The following RBBP5 variants were observed in gnomAD, a reference collection of about 807,000 sequenced individuals.
The protein encoded by RBBP5 is RB binding protein 5, histone lysine methyltransferase complex subunit, also known as retinoblastoma-binding protein 5.
In RBBP5, 5 loss-of-function variants were observed where a neutral mutation model predicts 72.2. The observed-to-expected ratio is 0.07, with a 90% CI of 0.04 to 0.15. RBBP5 has a LOEUF of 0.15. Ranked by LOEUF, RBBP5 falls within the 10% of genes least tolerant of loss-of-function variation. RBBP5 has a pLI of 1.00. For missense variants in RBBP5, 322 were observed against 652.2 expected, an observed-to-expected ratio of 0.49 and a Z score of 5.51; for synonymous variants, 209 against 237.2, an observed-to-expected ratio of 0.88 and a Z score of 1.09.
chr1:205,088,726 C>T lies in RBBP5; in HGVS notation c.*61G>A. 6.6e-7 allele frequency: 1 copy of T among 1,506,540 alleles called. No individual in the cohort carries two copies. Among genetic ancestry groups the T allele is most frequent in the Non-Finnish European group, 9.1e-7 (1 of 1,095,698 alleles). 93.3% of individuals were successfully genotyped at this position (1,506,540 alleles called of 1,614,324 possible). A position where few individuals can be genotyped will look rare whatever the true frequency, so the allele number is the denominator to read the frequency against. The stretch of plus-strand genomic sequence containing the variant: ...TTAAAGTCAATTTTCAAATGACTGA[C>T]CACAGTGTCCAGAGGCCACATGATG... On this transcript the variant is annotated 3_prime_UTR_variant, in exon 14 of 14. Transcript: ENST00000264515.
intron 13 of RBBP5, among the ~76,000 whole-genome samples, chr1:205,089,212 G>A (rs958513474): frequency 1.4e-4 from 21 of 152,168 alleles, no homozygotes; most frequent in African/African-American, 5.1e-4. Flanking sequence ...TTTAAAGATT[G>A]ATTAGTCACT....
In RBBP5 at chr1:205,088,760, A is replaced by G; in HGVS notation, c.*27T>C. ...CCAGAGGCCACATGATGGCAAAGTGAGAAAGAATGAAGAACTTCGAAGGTC... is the reference window on the plus strand; with the variant it reads ...CCAGAGGCCACATGATGGCAAAGTGGGAAAGAATGAAGAACTTCGAAGGTC... On this transcript the variant is annotated 3_prime_UTR_variant, in exon 14 of 14. Transcript: ENST00000264515. The G allele has an allele frequency of 6.3e-7, 1 of 1,580,792 alleles. No homozygotes were observed. The highest frequency in any genetic ancestry group is 8.6e-7 in the Non-Finnish European group (1 of 1,156,330).
Position 205,099,871 on chromosome 1 carries a change from G to C in RBBP5, c.906+40C>G. On this transcript the variant is annotated intron_variant, in intron 8 of 13. Coordinates refer to ENST00000264515, the MANE Select transcript of RBBP5 (RefSeq NM_005057.4). This position sits in a 1 kb window ranked among gnomAD's most constrained non-coding sequence, Gnocchi z 4.7. The stretch of plus-strand genomic sequence containing the variant: ...TTAAGAACAGATTTTAGATTTTTTG[G>C]ATTATGTGACTAACAAAAGCAATGT... 1.2e-6 allele frequency: 2 copies of C among 1,613,416 alleles called. No individual in the cohort carries two copies. The highest frequency in any genetic ancestry group is 1.7e-6 in the Non-Finnish European group (2 of 1,179,578).
rs1655649470 is a variant in RBBP5 at position 205,097,140 on chromosome 1, G to C, written c.1166+186C>G. ...TGGTTCCTTAAAATTCTCTATCAGGGAGAAGTGAAAGGAACATAGGACTAG... is the reference window on the plus strand; with the variant it reads ...TGGTTCCTTAAAATTCTCTATCAGGCAGAAGTGAAAGGAACATAGGACTAG... On this transcript the variant is annotated intron_variant, in intron 11 of 13. Coordinates refer to ENST00000264515, the MANE Select transcript of RBBP5 (RefSeq NM_005057.4). Among the ~76,000 whole-genome samples, 2 of 152,332 alleles carry C rather than the reference G, an allele frequency of 1.3e-5. 1 individual carries two copies. The highest frequency in any genetic ancestry group is 4.1e-4 in the South Asian group (2 of 4,828).
chr1:205,099,875 A>C lies in RBBP5; in HGVS notation c.906+36T>G, dbSNP rs201878389. The C allele has an allele frequency of 1.0e-4, 166 of 1,613,594 alleles. No homozygotes were observed. Among genetic ancestry groups the C allele is most frequent in the Non-Finnish European group, 1.8e-5 (21 of 1,179,684 alleles). On this transcript the variant is annotated intron_variant, in intron 8 of 13. Coordinates refer to ENST00000264515, the MANE Select transcript of RBBP5 (RefSeq NM_005057.4). The surrounding 1 kb of genome is among the most constrained non-coding windows in gnomAD (Gnocchi z 4.7). ...GAACAGATTTTAGATTTTTTGGATT[A>C]TGTGACTAACAAAAGCAATGTCCTA...
At chr1:205,112,854 G>C (rs1406614697) in intron 3 of RBBP5, among the ~76,000 whole-genome samples, 2 of 152,180 alleles carry the variant, frequency 1.3e-5, no homozygotes, top group Non-Finnish European at 2.9e-5. Context: ...CAGACATGGT[G>C]GCTCACACCT....
At position 205,099,646 on chromosome 1, in the gene RBBP5, A is replaced by T. The variant is rs1655746420; in HGVS notation, c.978+95T>A. On this transcript the variant is annotated intron_variant, in intron 9 of 13. Transcript: ENST00000264515. This position sits in a 1 kb window ranked among gnomAD's most constrained non-coding sequence, Gnocchi z 4.7. ...AGGTTGCGAGAATCATATGCAAAAG[A>T]AAATAAAAATGTAATTTTTAGCTTC... 1 of 1,302,920 alleles carries T rather than the reference A, an allele frequency of 7.7e-7. No homozygotes were observed. The highest frequency in any genetic ancestry group is 1.1e-6 in the Non-Finnish European group (1 of 933,348). The allele number at this position is 1,302,920 out of a possible 1,614,324, so 80.7% of individuals were successfully genotyped here.
intron 2 of RBBP5, among the ~76,000 whole-genome samples, chr1:205,115,372 C>T (rs1198096572): frequency 2.0e-5 from 3 of 151,656 alleles, no homozygotes; most frequent in Admixed American, 1.3e-4. Flanking sequence ...AAAAGAAAAA[C>T]CCTGGAATAG....
rs1395865945 is a variant in RBBP5 at position 205,114,797 on chromosome 1, A to G, written c.210T>C (p.Cys70=). ...ATTAAAAAATGTCTTACCATAAAGA[A>G]CACACTGGATGGATGTGTGCACTAA... The part of the protein sequence containing the change: ...KIISAHIHPV[C]SLCWSRDGHK... The change falls in exon 3 of 14, where the codon TGT becomes TGC. Residue 70 remains cysteine, a synonymous_variant. Transcript: ENST00000264515. 2 of 1,537,376 alleles carry G rather than the reference A, an allele frequency of 1.3e-6. No individual in the cohort carries two copies. Among genetic ancestry groups the G allele is most frequent in the Non-Finnish European group, 1.8e-6 (2 of 1,140,960 alleles).
At chr1:205,120,746 C>G (rs1364027843) in intron 1 of RBBP5, among the ~76,000 whole-genome samples, 1 of 151,720 alleles carries the variant, frequency 6.6e-6, no homozygotes, top group African/African-American at 2.4e-5. Context: ...TGTGCCACTG[C>G]ACTCCAGCCT....
chr1:205,093,864 C>A (rs1476771589), intron 13 of RBBP5, among the ~76,000 whole-genome samples: 1 of 152,060 alleles, frequency 6.6e-6, no homozygotes, highest in Non-Finnish European at 1.5e-5. Context: ...CTAGTCCACA[C>A]ATTTAGATTA....
At chr1:205,102,058 G>A (rs935854922) in intron 5 of RBBP5, among the ~76,000 whole-genome samples, 3 of 152,016 alleles carry the variant, frequency 2.0e-5, no homozygotes, top group Non-Finnish European at 2.9e-5. Context: ...CACGACGCCT[G>A]GCTAATTTTG....
intron 3 of RBBP5, among the ~76,000 whole-genome samples, chr1:205,113,834 G>A (rs1228773884): frequency 1.3e-5 from 2 of 151,956 alleles, no homozygotes; most frequent in East Asian, 1.9e-4. Context: ...ACAGGCACCC[G>A]CCAACATGCC....
At chr1:205,093,499 T>A (rs1558570334) in intron 13 of RBBP5, among the ~76,000 whole-genome samples, 206 of 2,798 alleles carry the variant, frequency 0.074, 71 homozygotes, top group South Asian at 0.17. Context: ...TATATATATA[T>A]ATATATATAT....
intron 4 of RBBP5, 144 bp downstream of exon 4, chr1:205,104,884 C>T (rs1050903476): frequency 1.0e-6 from 1 of 953,004 alleles, no homozygotes; most frequent in Non-Finnish European, 1.5e-6. Flanking sequence ...GTAGAGCCAA[C>T]CTAGATGGAA....
At chr1:205,094,721 G>A in intron 13 of RBBP5, 152 bp downstream of exon 13, 1 of 852,998 alleles carries the variant, frequency 1.2e-6, no homozygotes, top group Admixed American at 2.9e-5. Flanking sequence ...GGTTTAGCCT[G>A]CCCTTAGCAG....
chr1:205,104,143 G>C, intron 4 of RBBP5, 124 bp from the exon 5 acceptor site: 1 of 1,008,522 alleles, frequency 9.9e-7, no homozygotes. Context: ...ATTTGAAACA[G>C]TGAAAAAGCA....
At chr1:205,093,458 C>CCAAAAAAAAAAAAAA (rs1553352080) in intron 13 of RBBP5, among the ~76,000 whole-genome samples, 433 of 18,322 alleles carry the variant, frequency 0.024, 162 homozygotes, top group East Asian at 0.033. Flanking sequence ...AACTCCGTTT[C>CCAAAAAAAAAAAAAA]AAAAAAAAAA....
intron 12 of RBBP5, 51 bp downstream of exon 12, chr1:205,096,631 T>A: frequency 6.5e-7 from 1 of 1,532,974 alleles, no homozygotes; most frequent in Non-Finnish European, 8.9e-7. Flanking sequence ...CGCTGGGGAG[T>A]GAGTAGAAAG....
Sources: allele counts gnomAD v4.1 joint callset (sites outside exome capture counted in the v4.1 genomes callset), GRCh38; gene constraint gnomAD v4.1.1; non-coding constraint Gnocchi (gnomAD v3.1); transcripts MANE v1.5; gene names NCBI Gene and HGNC (gene_info 2026-07-23, HGNC 2026-07-21).